The following PCDHA10 variants were observed in gnomAD, a reference collection of about 807,000 sequenced individuals.
The protein encoded by PCDHA10 is protocadherin alpha 10.
In PCDHA10, 45 loss-of-function variants were observed where a neutral mutation model predicts 61.2. The ratio of observed to expected loss-of-function variants is 0.74; its 90% CI spans 0.58 to 0.94. PCDHA10 has a LOEUF of 0.94. PCDHA10 is among the 40% of genes least tolerant of loss of function. The pLI is 0.00. For missense variants in PCDHA10, 1,278 were observed against 1,236.2 expected (o/e 1.03, Z -0.51); for synonymous variants, 602 against 548.8 (o/e 1.10, Z -1.35).
At chr5:140,916,363 T>C (rs2077541371) in intron 1 of PCDHA10, among the ~76,000 whole-genome samples, 2 of 152,124 alleles carry the variant, frequency 1.3e-5, no homozygotes, top group African/African-American at 4.8e-5. Context: ...GAAGGAGTCT[T>C]TCACTGTAGC....
chr5:140,884,628 G>A (rs2153405760), intron 1 of PCDHA10: 3 of 1,612,722 alleles, frequency 1.9e-6, no homozygotes, highest in Non-Finnish European at 2.5e-6. Context: ...GAGGGAACAG[G>A]CCAGAGGGAG....
rs781876036 is a variant in PCDHA10 at position 140,857,534 on chromosome 5, C to T, written c.1486C>T (p.Arg496Trp). The T allele has an allele frequency of 1.3e-5, 20 of 1,597,344 alleles. 2 individuals are homozygous for T. The highest frequency in any genetic ancestry group is 1.5e-5 in the Non-Finnish European group (18 of 1,167,750). Residue 496 changes from arginine (R) to tryptophan (W), a missense_variant, in exon 1 of 4, where the codon CGG becomes TGG. Transcript: ENST00000307360. ...CCTGGTGTCCTACTCTCTGGTGGAG[C>T]GGCGGTTGGGCGAGCGCTCGCTGTC... The part of the protein sequence containing the change: ...NALVSYSLVE[R>W]RLGERSLSSY...
At chr5:140,969,045 CCAA>C in intron 1 of PCDHA10, 4 of 1,614,090 alleles carry the variant, frequency 2.5e-6, no homozygotes, top group Non-Finnish European at 3.4e-6. Flanking sequence ...TACAAACAAG[CCAA>C]CAACAATATT....
rs781792274 is a variant in PCDHA10, at chr5:140,927,895, G to A, written c.2389-51054G>A. The A allele has an allele frequency of 4.3e-5, 70 of 1,614,074 alleles. No homozygotes were observed. The highest frequency in any genetic ancestry group is 5.3e-5 in the Non-Finnish European group (62 of 1,180,048). On this transcript the variant is annotated intron_variant, in intron 1 of 3. Coordinates refer to ENST00000307360, the MANE Select transcript of PCDHA10 (RefSeq NM_018901.4). ...GCTGGTGGAGGTGACTGACGTGAACGATCATGCCCCCGAACTGGACTTCCT... is the reference window on the plus strand; with the variant it reads ...GCTGGTGGAGGTGACTGACGTGAACAATCATGCCCCCGAACTGGACTTCCT...
At position 140,979,027 on chromosome 5, in the gene PCDHA10, T is replaced by C. The variant is rs782016038; in HGVS notation, c.2447+20T>C. ...GCACAGGTATGTATTTCCCTCCTCA[T>C]TCACTCAGAAGTAACCTTAACTTGG... On this transcript the variant is annotated intron_variant, in intron 2 of 3. Coordinates refer to ENST00000307360, the MANE Select transcript of PCDHA10 (RefSeq NM_018901.4). The C allele has an allele frequency of 3.5e-5, 57 of 1,613,492 alleles. No homozygotes were observed. Among genetic ancestry groups the C allele is most frequent in the Non-Finnish European group, 4.4e-5 (52 of 1,179,754 alleles).
intron 1 of PCDHA10, among the ~76,000 whole-genome samples, chr5:140,898,839 A>C (rs2066999324): frequency 6.6e-6 from 1 of 152,280 alleles, no homozygotes; most frequent in East Asian, 1.9e-4. Flanking sequence ...ATGTTCTTCC[A>C]TTTCTTTGTA....
At chr5:140,970,135 G>C (rs1317802980) in intron 1 of PCDHA10, among the ~76,000 whole-genome samples, 1 of 152,016 alleles carries the variant, frequency 6.6e-6, no homozygotes, top group Non-Finnish European at 1.5e-5. Context: ...GAAGAGAAGG[G>C]AAAAAGAATT....
intron 1 of PCDHA10, among the ~76,000 whole-genome samples, chr5:140,884,904 A>G (rs2060400953): frequency 6.6e-6 from 1 of 152,226 alleles, no homozygotes; most frequent in Non-Finnish European, 1.5e-5. Flanking sequence ...TTTCTGTTGT[A>G]TTCTTAATAG....
At chr5:140,883,655 T>A (rs782178754) in intron 1 of PCDHA10, 7 of 1,613,000 alleles carry the variant, frequency 4.3e-6, no homozygotes, top group African/African-American at 1.3e-5. Context: ...GTACACGGTG[T>A]TCGTGAAGGA....
intron 1 of PCDHA10, among the ~76,000 whole-genome samples, chr5:140,954,250 T>C (rs1018325931): frequency 6.6e-6 from 1 of 152,252 alleles, no homozygotes; most frequent in Non-Finnish European, 1.5e-5. Context: ...AACATACACA[T>C]GCAGGTATCT....
chr5:140,946,886 C>G (rs1304455156), intron 1 of PCDHA10, among the ~76,000 whole-genome samples: 1 of 151,128 alleles, frequency 6.6e-6, no homozygotes, highest in African/African-American at 2.4e-5. Context: ...TACGAAGTTA[C>G]AATTAGATAG....
At chr5:140,927,095 TG>T in intron 1 of PCDHA10, 1 of 1,612,210 alleles carries the variant, frequency 6.2e-7, no homozygotes, top group Non-Finnish European at 8.5e-7. Flanking sequence ...TACTTCGGGG[TG>T]GATCTACCCA....
Position 140,968,451 on chromosome 5 carries a change from C to T in PCDHA10, c.2389-10498C>T, listed in dbSNP as rs782416830. 9 of 1,614,130 alleles carry T rather than the reference C, an allele frequency of 5.6e-6. No homozygotes were observed. The South Asian group carries it at 9.9e-5, about 18-fold the overall frequency. ...AAGGGGAGCCCACCACTGAGCAGCACTGTGACTGCCAACGTATATGTGGTG... is the reference window on the plus strand; with the variant it reads ...AAGGGGAGCCCACCACTGAGCAGCATTGTGACTGCCAACGTATATGTGGTG... On this transcript the variant is annotated intron_variant, in intron 1 of 3. Transcript: ENST00000307360.
chr5:140,938,261 A>G (rs1325957872), intron 1 of PCDHA10, among the ~76,000 whole-genome samples: 2 of 152,182 alleles, frequency 1.3e-5, no homozygotes, highest in Non-Finnish European at 2.9e-5. Flanking sequence ...AAAACTTTCT[A>G]ATCACATAGT....
At chr5:140,998,940 A>G (rs2097841050) in intron 3 of PCDHA10, among the ~76,000 whole-genome samples, 1 of 152,222 alleles carries the variant, frequency 6.6e-6, no homozygotes, top group African/African-American at 2.4e-5. Context: ...AGATGAAGAA[A>G]CTGTAAGTCA....
Position 140,869,430 on chromosome 5 carries a change from C to A in PCDHA10, c.2388+10994C>A, listed in dbSNP as rs73793507. On this transcript the variant is annotated intron_variant, in intron 1 of 3. Transcript: ENST00000307360. ...AGTGCAGCATCCACCTGGAGGTGATCGTGGACAGGCCGCTGCAGGTTTTCC... is the reference window on the plus strand; with the variant it reads ...AGTGCAGCATCCACCTGGAGGTGATAGTGGACAGGCCGCTGCAGGTTTTCC... 7.1e-4 allele frequency: 1,143 copies of A among 1,614,154 alleles called. 9 individuals are homozygous for A. In the African/African-American group the frequency reaches 0.013, roughly 18 times the overall value.
At chr5:140,879,234 G>A (rs1483424901) in intron 1 of PCDHA10, among the ~76,000 whole-genome samples, 1 of 152,180 alleles carries the variant, frequency 6.6e-6, no homozygotes, top group Non-Finnish European at 1.5e-5. Flanking sequence ...ACATATACAA[G>A]AGGCACTGGC....
chr5:140,934,741 T>TATG (rs2090025323), intron 1 of PCDHA10, among the ~76,000 whole-genome samples: 1 of 152,144 alleles, frequency 6.6e-6, no homozygotes, highest in Non-Finnish European at 1.5e-5. Flanking sequence ...TAGGTGTCAT[T>TATG]ATGAACTCAT....
At chr5:141,001,975 G>T (rs900969211) in intron 3 of PCDHA10, among the ~76,000 whole-genome samples, 2 of 152,302 alleles carry the variant, frequency 1.3e-5, no homozygotes, top group Non-Finnish European at 2.9e-5. Flanking sequence ...GTCTCTGCGC[G>T]GAAAGCCTGG....
Sources: allele counts gnomAD v4.1 joint callset (sites outside exome capture counted in the v4.1 genomes callset), GRCh38; gene constraint gnomAD v4.1.1; transcripts MANE v1.5; gene names NCBI Gene and HGNC (gene_info 2026-07-23, HGNC 2026-07-21).